ZNF862: variants seen among roughly 807,000 people sequenced by gnomAD.
ZNF862 encodes zinc finger protein 862.
In ZNF862, 64 loss-of-function variants were observed where a neutral mutation model predicts 91.1. The ratio of observed to expected loss-of-function variants is 0.70; its 90% CI spans 0.57 to 0.87. The LOEUF (loss-of-function observed/expected upper bound fraction) is 0.87, where lower values mean the gene tolerates loss of function less well. Ranked by LOEUF, ZNF862 falls within the 40% of genes least tolerant of loss-of-function variation. The probability of loss-of-function intolerance (pLI) is 0.00; values close to 1 mark genes in which losing one functional copy is unlikely to be tolerated. For missense variants in ZNF862, 1,459 were observed against 1,528.0 expected, an observed-to-expected ratio of 0.95 and a Z score of 0.75; for synonymous variants, 631 against 618.1, an observed-to-expected ratio of 1.02 and a Z score of -0.31.
At position 149,841,331 on chromosome 7, in the gene ZNF862, T is replaced by G. The variant is rs191554015; in HGVS notation, c.24+2696T>G. 17 of 985,442 alleles carry G rather than the reference T, an allele frequency of 1.7e-5. No homozygotes were observed. In the Admixed American group the frequency reaches 4.9e-4, roughly 28 times the overall value. 61.0% of individuals were successfully genotyped at this position (985,442 alleles called of 1,614,324 possible). Reference sequence around the variant, plus strand: ...GCCATCTTGGGCCATTGGATTGATATCCCACATTGAATGTAGGACATCTTG... The same window carrying G: ...GCCATCTTGGGCCATTGGATTGATAGCCCACATTGAATGTAGGACATCTTG... On this transcript the variant is annotated intron_variant, in intron 1 of 7. Transcript: ENST00000223210.
chr7:149,862,956 A>C (rs1802572235), intron 7 of ZNF862, among the ~76,000 whole-genome samples: 1 of 152,190 alleles, frequency 6.6e-6, no homozygotes, highest in Non-Finnish European at 1.5e-5. Flanking sequence ...ATCACATTCT[A>C]AGTGGGGCTG....
chr7:149,863,259 C>G (rs10270385), intron 7 of ZNF862, among the ~76,000 whole-genome samples: 1 of 151,902 alleles, frequency 6.6e-6, no homozygotes. Context: ...CCAGACCACT[C>G]GCGACCACTT....
intron 1 of ZNF862, among the ~76,000 whole-genome samples, chr7:149,840,389 A>G (rs1288044848): frequency 6.6e-6 from 1 of 152,168 alleles, no homozygotes; most frequent in Admixed American, 6.5e-5. Context: ...AGTTTAAAAA[A>G]TTAAGTTTAT....
intron 7 of ZNF862, among the ~76,000 whole-genome samples, chr7:149,863,625 G>A (rs1329636990): frequency 1.3e-5 from 2 of 152,242 alleles, no homozygotes; most frequent in East Asian, 1.9e-4. Flanking sequence ...GTGCCCTGAT[G>A]CGAGTTACTC....
Position 149,860,959 on chromosome 7 carries a change from C to T in ZNF862, c.1799C>T (p.Thr600Ile). The T allele has an allele frequency of 1.2e-6, 2 of 1,613,700 alleles. No homozygotes were observed. Among genetic ancestry groups the T allele is most frequent in the South Asian group, 2.2e-5 (2 of 91,018 alleles). Reference protein sequence around the residue: ...LGKYRNRTACTQFIKYISETL... With the variant: ...LGKYRNRTACIQFIKYISETL... ...AAGTACCGCAATCGCACGGCGTGCACTCAGTTCATCAAGTACATCTCAGAG... is the reference window on the plus strand; with the variant it reads ...AAGTACCGCAATCGCACGGCGTGCATTCAGTTCATCAAGTACATCTCAGAG... The change falls in exon 7 of 8, where the codon ACT becomes ATT. Residue 600 changes from threonine to isoleucine, a missense_variant. By Grantham distance (89) the Thr-to-Ile change is moderately conservative (BLOSUM62 -1). Transcript: ENST00000223210.
intron 5 of ZNF862, among the ~76,000 whole-genome samples, chr7:149,856,865 A>G (rs1199702635): frequency 2.0e-5 from 3 of 152,216 alleles, no homozygotes; most frequent in African/African-American, 7.2e-5. Flanking sequence ...CATCCTGTCT[A>G]AAAACATCAT....
rs1027796399 is a variant in ZNF862, at chr7:149,859,295, G to A, written c.1118-127G>A. On this transcript the variant is annotated intron_variant, in intron 5 of 7. Transcript: ENST00000223210. ...GTTTGCGCTCAGCCTGCCCCTGGCC[G>A]ACTAGACTTTATAAGGACAGAACCC... The A allele has an allele frequency of 1.5e-4, 140 of 907,418 alleles. No individual in the cohort carries two copies. The African/African-American group carries it at 2.0e-3, about 13-fold the overall frequency. The allele number at this position is 907,418 out of a possible 1,614,324, so 56.2% of individuals were successfully genotyped here.
intron 5 of ZNF862, among the ~76,000 whole-genome samples, chr7:149,853,830 C>T (rs1474469050): frequency 6.6e-6 from 1 of 150,618 alleles, no homozygotes; most frequent in African/African-American, 2.4e-5. Context: ...TCCAGCTACT[C>T]GGGAGGCTGA....
At position 149,859,614 on chromosome 7, in the gene ZNF862, CA is replaced by C. The variant is rs552196341; in HGVS notation, c.1222+89del. ...CAAACAGCATGAGCTCAGCTGTGCTCATCTGATGGGGGCCGATTGGGCACCA... is the reference window on the plus strand; with the variant it reads ...CAAACAGCATGAGCTCAGCTGTGCTCTCTGATGGGGGCCGATTGGGCACCA... On this transcript the variant is annotated intron_variant, in intron 6 of 7. Coordinates refer to ENST00000223210, the MANE Select transcript of ZNF862 (RefSeq NM_001099220.3). 687 of 1,137,616 alleles carry C rather than the reference CA, an allele frequency of 6.0e-4. 1 individual carries two copies. Among genetic ancestry groups the C allele is most frequent in the Non-Finnish European group, 7.5e-4 (598 of 802,666 alleles). The allele number at this position is 1,137,616 out of a possible 1,614,324, so 70.5% of individuals were successfully genotyped here.
In ZNF862 at chr7:149,861,713, C is replaced by T. The variant is rs761386954; in HGVS notation, c.2553C>T (p.Tyr851=). The part of the protein sequence containing the change: ...CHFLLDFLSI[Y]RPLSEVCQKE... ...TCCTGTTGGACTTCCTGAGCATCTA[C>T]AGGCCTCTGTCCGAGGTGTGCCAGA... The change falls in exon 7 of 8, where the codon TAC becomes TAT. Residue 851 remains tyrosine, a synonymous_variant. Transcript: ENST00000223210. This position sits in a 1 kb window ranked among gnomAD's most constrained non-coding sequence, Gnocchi z 6.7. 10 of 1,613,220 alleles carry T rather than the reference C, an allele frequency of 6.2e-6. No homozygotes were observed. Among genetic ancestry groups the T allele is most frequent in the Non-Finnish European group, 8.5e-6 (10 of 1,179,764 alleles).
chr7:149,861,676 A>G lies in ZNF862; in HGVS notation c.2516A>G (p.Lys839Arg), dbSNP rs2081836063. ...LKLMRGFHFV[K>R]FCHFLLDFLS... The stretch of plus-strand genomic sequence containing the variant: ...CTCATGCGCGGCTTCCACTTTGTCA[A>G]GTTCTGCCACTTCCTGTTGGACTTC... Residue 839 changes from lysine (K) to arginine (R), a missense_variant, in exon 7 of 8, where the codon AAG (lysine) becomes AGG (arginine). Lys to Arg is a conservative substitution (Grantham distance 26, BLOSUM62 2). Transcript: ENST00000223210. This position sits in a 1 kb window ranked among gnomAD's most constrained non-coding sequence, Gnocchi z 6.7. 6.2e-7 allele frequency: 1 copy of G among 1,611,872 alleles called. No individual in the cohort carries two copies. The highest frequency in any genetic ancestry group is 8.5e-7 in the Non-Finnish European group (1 of 1,179,280).
At position 149,840,890 on chromosome 7, in the gene ZNF862, T is replaced by C. The variant is rs1208302648; in HGVS notation, c.24+2255T>C. ...GCCTAAGGACACATTTCCTAGAACT[T>C]ATCCCTGTTGTTAAGCAACACATGA... On this transcript the variant is annotated intron_variant, in intron 1 of 7. Coordinates refer to ENST00000223210, the MANE Select transcript of ZNF862 (RefSeq NM_001099220.3). 3.1e-6 allele frequency: 3 copies of C among 964,506 alleles called. No individual in the cohort carries two copies. The Admixed American group carries it at 1.8e-4, about 59-fold the overall frequency. The allele number at this position is 964,506 out of a possible 1,614,324, so 59.7% of individuals were successfully genotyped here.
In ZNF862 at chr7:149,862,466, T is replaced by C. The variant is rs374194262; in HGVS notation, c.3306T>C (p.Cys1102=). 1 of 1,600,930 alleles carries C rather than the reference T, an allele frequency of 6.2e-7. No homozygotes were observed. The highest frequency in any genetic ancestry group is 8.5e-7 in the Non-Finnish European group (1 of 1,171,352). ...GGCGTTTCAGCCATGTCTACACCTGTGCCCAGGTGCCAGCCCGCTCCCCTG... is the reference window on the plus strand; with the variant it reads ...GGCGTTTCAGCCATGTCTACACCTGCGCCCAGGTGCCAGCCCGCTCCCCTG... ...SGRRFSHVYT[C]AQVPARSPAS... is the part of the protein sequence containing the mutation. The change falls in exon 7 of 8, where the codon TGT becomes TGC. Residue 1102 remains cysteine (C), a synonymous_variant. Transcript: ENST00000223210.
chr7:149,853,660 G>A (rs1008907080), intron 5 of ZNF862, among the ~76,000 whole-genome samples: 3 of 152,182 alleles, frequency 2.0e-5, no homozygotes, highest in South Asian at 2.1e-4. Context: ...TATTTCTGCC[G>A]GGTGCGGTGG....
chr7:149,841,727 C>T, intron 1 of ZNF862: 1 of 985,382 alleles, frequency 1.0e-6, no homozygotes, highest in South Asian at 4.7e-5. Context: ...TATTTGTTGC[C>T]TCAACGTTTC....
Position 149,864,661 on chromosome 7 carries a change from C to A in ZNF862, c.*377C>A, listed in dbSNP as rs1228273719. Reference sequence around the variant, plus strand: ...GGGAATGTTCCAGGGAGGCTGCCCACAGTCTAAGTGGGAATGGGAAAGACC... The same window carrying A: ...GGGAATGTTCCAGGGAGGCTGCCCAAAGTCTAAGTGGGAATGGGAAAGACC... On this transcript the variant is annotated 3_prime_UTR_variant, in exon 8 of 8. Coordinates refer to ENST00000223210, the MANE Select transcript of ZNF862 (RefSeq NM_001099220.3). 5.6e-6 allele frequency: 1 copy of A among 177,774 alleles called. No homozygotes were observed. Among genetic ancestry groups the A allele is most frequent in the Non-Finnish European group, 1.2e-5 (1 of 83,988 alleles). The allele number at this position is 177,774 out of a possible 1,614,324, so 11.0% of individuals were successfully genotyped here.
At position 149,860,762 on chromosome 7, in the gene ZNF862, CAAGG is replaced by C; in HGVS notation, c.1606_1609del (p.Glu536ThrfsTer36). ...GGCTCTGTGTCAACACGGTTGAAAT[CAAGG>C]AAGACACCCCTCACACTGCCCTCGT... On this transcript the variant is annotated frameshift_variant, in exon 7 of 8. Coordinates refer to ENST00000223210, the MANE Select transcript of ZNF862 (RefSeq NM_001099220.3). LOFTEE classifies it high-confidence loss of function. The C allele has an allele frequency of 6.2e-7, 1 of 1,613,906 alleles. No individual in the cohort carries two copies. Among genetic ancestry groups the C allele is most frequent in the Non-Finnish European group, 8.5e-7 (1 of 1,179,882 alleles).
At chr7:149,852,932 C>T (rs1170395687) in intron 5 of ZNF862, among the ~76,000 whole-genome samples, 2 of 152,180 alleles carry the variant, frequency 1.3e-5, no homozygotes, top group African/African-American at 4.8e-5. Flanking sequence ...TTGTGTCACT[C>T]ATGGAAAACA....
intron 5 of ZNF862, among the ~76,000 whole-genome samples, chr7:149,856,869 ACAT>A (rs1802283664): frequency 6.6e-6 from 1 of 152,192 alleles, no homozygotes; most frequent in African/African-American, 2.4e-5. Flanking sequence ...CTGTCTAAAA[ACAT>A]CATATTCTTC....
Sources: gnomAD v4.1 joint callset for allele counts (sites outside exome capture counted in the v4.1 genomes callset) on GRCh38, gnomAD v4.1.1 for gene constraint, Gnocchi (gnomAD v3.1) non-coding constraint, MANE v1.5 for transcripts, NCBI Gene and HGNC (gene_info 2026-07-23, HGNC 2026-07-21) for gene names.